The following CACHD1 variants were observed in gnomAD, a reference collection of about 807,000 sequenced individuals.
The protein encoded by CACHD1 is cache domain containing 1.
CACHD1 carries 71 observed loss-of-function variants against 138.7 expected under a neutral mutation model. The ratio of observed to expected loss-of-function variants is 0.51; its 90% CI spans 0.42 to 0.62. The LOEUF is 0.62. Among genes scored for constraint, CACHD1 ranks in the 20% least tolerant of loss-of-function variants. The pLI, the probability that CACHD1 is intolerant of heterozygous loss-of-function variation, is 0.00. For synonymous variants in CACHD1, 578 were observed against 591.5 expected (o/e 0.98, Z 0.33); for missense variants, 1,389 against 1,625.3 (o/e 0.85, Z 2.50).
intron 15 of CACHD1, among the ~76,000 whole-genome samples, chr1:64,665,750 C>G (rs565726968): frequency 6.6e-6 from 1 of 152,236 alleles, no homozygotes; most frequent in East Asian, 1.9e-4. Flanking sequence ...GGTGCGGTGA[C>G]TCACACTTGT....
rs775723682 is a variant in CACHD1, at chr1:64,574,233, A to T, written c.262-7923A>T. Among the ~76,000 whole-genome samples the T allele has an allele frequency of 3.0e-4, 46 of 152,238 alleles. 1 individual carries two copies. The highest frequency in any genetic ancestry group is 2.1e-3 in the Admixed American group (32 of 15,290). On this transcript the variant is annotated intron_variant, in intron 2 of 26. Transcript: ENST00000651257. ...ACCTTTACTCAGCACGAGCTTGGGC[A>T]AACCACTGAGCCTCGATTTCCTTGA...
At chr1:64,519,073 G>C (rs1646479175) in intron 1 of CACHD1, among the ~76,000 whole-genome samples, 1 of 152,166 alleles carries the variant, frequency 6.6e-6, no homozygotes, top group African/African-American at 2.4e-5. Flanking sequence ...ATTTAACTGA[G>C]TGAAAGCTTT....
chr1:64,521,418 T>C (rs912769173), intron 1 of CACHD1, among the ~76,000 whole-genome samples: 1 of 152,234 alleles, frequency 6.6e-6, no homozygotes, highest in African/African-American at 2.4e-5. Context: ...ATCTCTGAAT[T>C]ATCTGAATTA....
At chr1:64,560,182 A>G (rs749698489) in intron 2 of CACHD1, among the ~76,000 whole-genome samples, 3 of 152,126 alleles carry the variant, frequency 2.0e-5, no homozygotes, top group Non-Finnish European at 4.4e-5. Flanking sequence ...TTTTCAAAAA[A>G]TGAATTTGGC....
At chr1:64,605,998 C>G (rs150230400) in intron 4 of CACHD1, among the ~76,000 whole-genome samples, 1 of 152,132 alleles carries the variant, frequency 6.6e-6, no homozygotes, top group East Asian at 1.9e-4. Flanking sequence ...AGAATGGTCT[C>G]CTACCTGTTA....
chr1:64,529,640 T>A (rs1646566334), intron 1 of CACHD1, among the ~76,000 whole-genome samples: 1 of 152,238 alleles, frequency 6.6e-6, no homozygotes, highest in African/African-American at 2.4e-5. Context: ...AACAGTCCTA[T>A]GAAGTGGAAG....
At chr1:64,629,307 T>C in intron 4 of CACHD1, 48 bp from the exon 5 acceptor site, 1 of 1,601,930 alleles carries the variant, frequency 6.2e-7, no homozygotes, top group South Asian at 1.1e-5. Context: ...AGTGCCTGCA[T>C]GCACCTGTGG....
In CACHD1 at chr1:64,673,204, C is replaced by A; in HGVS notation, c.2557C>A (p.Leu853Ile). The A allele has an allele frequency of 6.2e-7, 1 of 1,613,958 alleles. No homozygotes were observed. Among genetic ancestry groups the A allele is most frequent in the Non-Finnish European group, 8.5e-7 (1 of 1,180,008 alleles). The change falls in exon 18 of 27, where the codon CTC becomes ATC. Residue 853 changes from leucine (L) to isoleucine (I), a missense_variant. By Grantham distance (5) the Leu-to-Ile change is conservative. Around this residue, in one of 5 missense-constraint regions of CACHD1, gnomAD observed 1,000 missense variants for 1,114.7 expected, o/e 0.90. Coordinates refer to ENST00000651257, the MANE Select transcript of CACHD1 (RefSeq NM_020925.4). Reference sequence around the variant, plus strand: ...GGGTTATCTGGTGGCGCACCCGACTCTCATCGACCCCAAAGGACATGCACC... The same window carrying A: ...GGGTTATCTGGTGGCGCACCCGACTATCATCGACCCCAAAGGACATGCACC... The part of the protein sequence containing the change: ...DRGYLVAHPT[L>I]IDPKGHAPVE...
intron 1 of CACHD1, among the ~76,000 whole-genome samples, chr1:64,472,744 T>C (rs1340430927): frequency 1.3e-5 from 2 of 152,206 alleles, no homozygotes; most frequent in African/African-American, 2.4e-5. Context: ...CCTCTTTTAA[T>C]AAAGGAAACT....
intron 1 of CACHD1, among the ~76,000 whole-genome samples, chr1:64,503,940 C>T (rs1211121894): frequency 3.3e-5 from 5 of 152,186 alleles, no homozygotes; most frequent in African/African-American, 1.2e-4. Context: ...TGTCATTCTG[C>T]CTACTTTGGA....
In CACHD1 at chr1:64,691,433, A is replaced by T. The variant is rs942743574; in HGVS notation, c.3697A>T (p.Thr1233Ser). ...CCATGATGAGGACTTAGACCTGGAT[A>T]CCCCCCCTCAGACTGCTGCCCTACT... ...GNHDEDLDLD[T>S]PPQTAALLSH... Residue 1233 changes from threonine (T) to serine (S), a missense_variant, in exon 27 of 27, where the codon ACC becomes TCC. Physicochemically the swap from Thr to Ser is moderately conservative, Grantham distance 58. Around this residue, in one of 5 missense-constraint regions of CACHD1, gnomAD observed 78 missense variants for 76.9 expected, o/e 1.01. Coordinates refer to ENST00000651257, the MANE Select transcript of CACHD1 (RefSeq NM_020925.4). 1 of 1,613,368 alleles carries T rather than the reference A, an allele frequency of 6.2e-7. No homozygotes were observed.
At chr1:64,675,612 C>A (rs767124602) in intron 20 of CACHD1, 51 bp downstream of exon 20, 1 of 1,545,442 alleles carries the variant, frequency 6.5e-7, no homozygotes, top group Non-Finnish European at 8.9e-7. Flanking sequence ...TTTAATATTT[C>A]AACTGATGTC....
At chr1:64,521,696 T>C (rs1239847401) in intron 1 of CACHD1, among the ~76,000 whole-genome samples, 1 of 152,220 alleles carries the variant, frequency 6.6e-6, no homozygotes, top group East Asian at 1.9e-4. Flanking sequence ...GATATAGATA[T>C]ACATTTTCAT....
At chr1:64,688,912 T>G (rs12089806) in intron 26 of CACHD1, among the ~76,000 whole-genome samples, 20,792 of 152,120 alleles carry the variant, frequency 0.14, 2,907 homozygotes, top group African/African-American at 0.36. Flanking sequence ...TCCCATCAGG[T>G]CTACCCAATT....
At position 64,666,107 on chromosome 1, in the gene CACHD1, A is replaced by C; in HGVS notation, c.2327A>C (p.Tyr776Ser). The change falls in exon 16 of 27, where the codon TAC (tyrosine) becomes TCC (serine). Residue 776 changes from tyrosine (Y) to serine (S), a missense_variant. Physicochemically the swap from Tyr to Ser is moderately radical, Grantham distance 144. Coordinates refer to ENST00000651257, the MANE Select transcript of CACHD1 (RefSeq NM_020925.4). ...GGGTTGATTTCTTTGACTGGTCCTT[A>C]CTTAGATGTTGGAGGAGCTGGTTAT... ...NPGLISLTGP[Y>S]LDVGGAGYVV... The C allele has an allele frequency of 6.2e-7, 1 of 1,613,506 alleles. No homozygotes were observed. The highest frequency in any genetic ancestry group is 1.1e-5 in the South Asian group (1 of 91,046).
At chr1:64,687,783 G>A (rs1014940518) in intron 26 of CACHD1, among the ~76,000 whole-genome samples, 11 of 152,138 alleles carry the variant, frequency 7.2e-5, no homozygotes, top group South Asian at 2.1e-4. Flanking sequence ...TATAGTGTGC[G>A]TTGGTGGGGG....
At position 64,632,662 on chromosome 1, in the gene CACHD1, G is replaced by A. The variant is rs1443410316; in HGVS notation, c.708G>A (p.Gly236=). 1.2e-6 allele frequency: 2 copies of A among 1,613,950 alleles called. No individual in the cohort carries two copies. Among genetic ancestry groups the A allele is most frequent in the African/African-American group, 2.7e-5 (2 of 74,902 alleles). Residue 236 remains glycine (G), a synonymous_variant, in exon 6 of 27, where the codon GGG becomes GGA. Transcript: ENST00000651257. ...ACATAGTAGTGATTCTGGACCACGGGGCTTCAGTCACAGACACTCAGCTTC... is the reference window on the plus strand; with the variant it reads ...ACATAGTAGTGATTCTGGACCACGGAGCTTCAGTCACAGACACTCAGCTTC... ...SKHIVVILDH[G]ASVTDTQLQI...
rs59926290 is a variant in CACHD1, at chr1:64,602,924, A to T, written c.517+12A>T. The T allele has an allele frequency of 6.0e-3, 9,147 of 1,529,566 alleles. 472 individuals are homozygous for T. In the African/African-American group the frequency reaches 0.11, roughly 19 times the overall value. 94.7% of individuals were successfully genotyped at this position (1,529,566 alleles called of 1,614,324 possible). A position where few individuals can be genotyped will look rare whatever the true frequency, so the allele number is the denominator to read the frequency against. On this transcript the variant is annotated intron_variant, in intron 4 of 26. Transcript: ENST00000651257. Reference sequence around the variant, plus strand: ...AGACTTAAATTCAGGTCAGTAATCCATTGGCTTTATAAAGATGAACTGTAT... The same window carrying T: ...AGACTTAAATTCAGGTCAGTAATCCTTTGGCTTTATAAAGATGAACTGTAT...
chr1:64,670,106 T>G lies in CACHD1; in HGVS notation c.2388-1458T>G, dbSNP rs76060598. On this transcript the variant is annotated intron_variant, in intron 16 of 26. Transcript: ENST00000651257. ...TGCAGATCTAAGAAGGCAGTACAACTTCATGGTATATGCTTTGGAGTTGAA... is the reference window on the plus strand; with the variant it reads ...TGCAGATCTAAGAAGGCAGTACAACGTCATGGTATATGCTTTGGAGTTGAA... 2.0e-3 allele frequency among the ~76,000 whole-genome samples: 309 copies of G among 152,320 alleles called. 1 individual carries two copies. The highest frequency in any genetic ancestry group is 7.2e-3 in the African/African-American group (299 of 41,570).
Sources: allele counts gnomAD v4.1 joint callset (sites outside exome capture counted in the v4.1 genomes callset), GRCh38; gene constraint gnomAD v4.1.1; regional missense constraint gnomAD v4.1.1; transcripts MANE v1.5; gene names NCBI Gene and HGNC (gene_info 2026-07-23, HGNC 2026-07-21).